SREK1IP1: variants seen among roughly 807,000 people sequenced by gnomAD.
SREK1IP1 encodes SREK1 interacting protein 1, also known as protein SREK1IP1.
Under a neutral mutation model 22.8 loss-of-function variants are expected in SREK1IP1, and 12 were observed. That is an observed-to-expected ratio of 0.53 (90% CI 0.34 to 0.85). SREK1IP1 has a LOEUF of 0.85. Among genes scored for constraint, SREK1IP1 ranks in the 40% least tolerant of loss-of-function variants. SREK1IP1 has a pLI of 0.02. For synonymous variants in SREK1IP1, 53 were observed against 52.7 expected, an observed-to-expected ratio of 1.01 and a Z score of -0.02; for missense variants, 147 against 171.8, an observed-to-expected ratio of 0.86 and a Z score of 0.81.
chr5:64,754,549 C>G (rs1020994201), intron 1 of SREK1IP1, 187 bp from the exon 2 acceptor site: 27 of 522,504 alleles, frequency 5.2e-5, no homozygotes, highest in Non-Finnish European at 9.3e-5. Context: ...ACTACAGCCT[C>G]CAGCTCCTGG....
At chr5:64,740,211 G>C (rs1054570213) in intron 3 of SREK1IP1, among the ~76,000 whole-genome samples, 3 of 152,048 alleles carry the variant, frequency 2.0e-5, no homozygotes, top group African/African-American at 7.2e-5. Flanking sequence ...AGGAAAGACA[G>C]AGAGTGACCT....
At chr5:64,744,197 A>G (rs1742595365) in intron 2 of SREK1IP1, among the ~76,000 whole-genome samples, 1 of 152,084 alleles carries the variant, frequency 6.6e-6, no homozygotes, top group Non-Finnish European at 1.5e-5. Context: ...TCACCTCCCA[A>G]GCGCAGGTAG....
At chr5:64,726,911 C>T (rs76802274) in intron 4 of SREK1IP1, among the ~76,000 whole-genome samples, 24,486 of 152,182 alleles carry the variant, frequency 0.16, 2,532 homozygotes, top group Non-Finnish European at 0.23. Flanking sequence ...TATCAAACCA[C>T]ATAAATTGGG....
In SREK1IP1 at chr5:64,734,453, G is replaced by A. The variant is rs950073429; in HGVS notation, c.206-6274C>T. 3.3e-5 allele frequency among the ~76,000 whole-genome samples: 5 copies of A among 151,248 alleles called. No homozygotes were observed. In the South Asian group the frequency reaches 6.3e-4, roughly 19 times the overall value. The stretch of plus-strand genomic sequence containing the variant: ...GAGATAAGGTCTTGCTTGGCTTGTC[G>A]GTTTCTCAAATGGCCTGCTGGAATT... On this transcript the variant is annotated intron_variant, in intron 3 of 4. Transcript: ENST00000513458.
Position 64,755,679 on chromosome 5 carries a change from T to C in SREK1IP1, c.14-1317A>G, listed in dbSNP as rs567213985. 7.6e-4 allele frequency among the ~76,000 whole-genome samples: 116 copies of C among 152,096 alleles called. 1 individual carries two copies. The highest frequency in any genetic ancestry group is 8.4e-4 in the Non-Finnish European group (57 of 68,000). The stretch of plus-strand genomic sequence containing the variant: ...TGTTCAGGTAACAAACTTGCACATG[T>C]ATCCACTCTGTCTAAAATAAAAGTT... On this transcript the variant is annotated intron_variant, in intron 1 of 4. Coordinates refer to ENST00000513458, the MANE Select transcript of SREK1IP1 (RefSeq NM_173829.4).
At position 64,722,513 on chromosome 5, in the gene SREK1IP1, A is replaced by T. The variant is rs1251911190; in HGVS notation, c.*1871T>A. 6.6e-6 allele frequency: 1 copy of T among 152,142 alleles called. No individual in the cohort carries two copies. The highest frequency in any genetic ancestry group is 1.5e-5 in the Non-Finnish European group (1 of 68,022). The allele number at this position is 152,142 out of a possible 1,614,324, so 9.4% of individuals were successfully genotyped here. ...AAGGCTAGTCAAGTCAAGCAGTGGG[A>T]GTAAAGAAACACCACTGCACTTGTG... On this transcript the variant is annotated 3_prime_UTR_variant, in exon 5 of 5. Coordinates refer to ENST00000513458, the MANE Select transcript of SREK1IP1 (RefSeq NM_173829.4).
At chr5:64,726,916 A>G (rs1742277938) in intron 4 of SREK1IP1, among the ~76,000 whole-genome samples, 1 of 152,210 alleles carries the variant, frequency 6.6e-6, no homozygotes, top group Non-Finnish European at 1.5e-5. Context: ...AACCACATAA[A>G]TTGGGAACTA....
rs759651767 is a variant in SREK1IP1, at chr5:64,768,671, G to C, written c.-154C>G. 1.5e-4 allele frequency: 148 copies of C among 979,644 alleles called. No individual in the cohort carries two copies. Among genetic ancestry groups the C allele is most frequent in the Non-Finnish European group, 2.2e-4 (143 of 640,134 alleles). The allele number at this position is 979,644 out of a possible 1,614,324, so 60.7% of individuals were successfully genotyped here. On this transcript the variant is annotated 5_prime_UTR_variant, in exon 1 of 5. Coordinates refer to ENST00000513458, the MANE Select transcript of SREK1IP1 (RefSeq NM_173829.4). ...GTCGGGAAGGGCCTGTACGCCTCTA[G>C]CGACGGCAGAACCAGTAGATGCGGA...
At chr5:64,764,658 C>T (rs1385690140) in intron 1 of SREK1IP1, among the ~76,000 whole-genome samples, 1 of 152,108 alleles carries the variant, frequency 6.6e-6, no homozygotes, top group Non-Finnish European at 1.5e-5. Context: ...TATGGAGACA[C>T]AAAAACTGAA....
At chr5:64,731,891 T>C (rs1471040656) in intron 3 of SREK1IP1, among the ~76,000 whole-genome samples, 1 of 152,148 alleles carries the variant, frequency 6.6e-6, no homozygotes, top group African/African-American at 2.4e-5. Flanking sequence ...TGGCCACCTC[T>C]TTCTTGCATG....
chr5:64,746,789 C>CAGGG (rs1196859597), intron 2 of SREK1IP1, among the ~76,000 whole-genome samples: 2 of 152,112 alleles, frequency 1.3e-5, no homozygotes, highest in African/African-American at 4.8e-5. Context: ...TGTTACTACC[C>CAGGG]AGGGTTAGCA....
chr5:64,757,494 A>G (rs1332996316), intron 1 of SREK1IP1, among the ~76,000 whole-genome samples: 1 of 152,226 alleles, frequency 6.6e-6, no homozygotes, highest in Non-Finnish European at 1.5e-5. Context: ...GAAAAATTTG[A>G]GCATAATGTG....
At chr5:64,754,038 T>A (rs1742792925) in intron 2 of SREK1IP1, among the ~76,000 whole-genome samples, 1 of 152,232 alleles carries the variant, frequency 6.6e-6, no homozygotes, top group African/African-American at 2.4e-5. Flanking sequence ...TTAAAAAATA[T>A]ACTTTCTCCA....
At chr5:64,751,554 A>G (rs1742740437) in intron 2 of SREK1IP1, among the ~76,000 whole-genome samples, 1 of 152,220 alleles carries the variant, frequency 6.6e-6, no homozygotes, top group Non-Finnish European at 1.5e-5. Flanking sequence ...TGCCATTGGC[A>G]TTTGGGGCCA....
At chr5:64,768,177 A>G (rs759016143) in intron 1 of SREK1IP1, among the ~76,000 whole-genome samples, 38 of 152,184 alleles carry the variant, frequency 2.5e-4, no homozygotes, top group Admixed American at 9.8e-4. Flanking sequence ...GTTTTAAGCC[A>G]TACCACAGTT....
intron 3 of SREK1IP1, among the ~76,000 whole-genome samples, chr5:64,734,760 T>C (rs1742431337): frequency 6.6e-6 from 1 of 152,112 alleles, no homozygotes; most frequent in Non-Finnish European, 1.5e-5. Flanking sequence ...ACTGATCTTG[T>C]AGACTCTTGC....
At chr5:64,739,780 G>A (rs997235945) in intron 3 of SREK1IP1, among the ~76,000 whole-genome samples, 8 of 151,890 alleles carry the variant, frequency 5.3e-5, no homozygotes, top group African/African-American at 1.7e-4. Flanking sequence ...ACTCATATAT[G>A]ATATGACTCT....
rs936603018 is a variant in SREK1IP1 at position 64,722,957 on chromosome 5, T to A, written c.*1427A>T. 6.6e-6 allele frequency: 1 copy of A among 152,232 alleles called. No individual in the cohort carries two copies. Among genetic ancestry groups the A allele is most frequent in the African/African-American group, 2.4e-5 (1 of 41,456 alleles). 9.4% of individuals were successfully genotyped at this position (152,232 alleles called of 1,614,324 possible). A position where few individuals can be genotyped will look rare whatever the true frequency, so the allele number is the denominator to read the frequency against. ...TAAGTATACTTAGCTGATTTCACTA[T>A]CATGAATTCACCTGCAGCCGTATCT... is the stretch of plus-strand genomic sequence containing the variant. On this transcript the variant is annotated 3_prime_UTR_variant, in exon 5 of 5. Coordinates refer to ENST00000513458, the MANE Select transcript of SREK1IP1 (RefSeq NM_173829.4).
intron 3 of SREK1IP1, among the ~76,000 whole-genome samples, chr5:64,738,991 C>A (rs1272072178): frequency 6.6e-6 from 1 of 152,106 alleles, no homozygotes; most frequent in Non-Finnish European, 1.5e-5. Context: ...GAAAGCTATT[C>A]TGACTCCTGA....
Sources: gnomAD v4.1 joint callset for allele counts (sites outside exome capture counted in the v4.1 genomes callset) on GRCh38, gnomAD v4.1.1 for gene constraint, MANE v1.5 for transcripts, NCBI Gene and HGNC (gene_info 2026-07-23, HGNC 2026-07-21) for gene names.